ERBB4: variants seen among roughly 807,000 people sequenced by gnomAD.
ERBB4 encodes receptor tyrosine-protein kinase erbB-4.
A neutral mutation model predicts 158.0 loss-of-function variants in ERBB4; 42 were observed. The observed-to-expected ratio is 0.27, with a 90% CI of 0.21 to 0.34. The LOEUF (loss-of-function observed/expected upper bound fraction) is 0.34. Ranked by LOEUF, ERBB4 falls within the 10% of genes least tolerant of loss-of-function variation. ERBB4 has a pLI of 1.00. For synonymous variants in ERBB4, 583 were observed against 558.7 expected (o/e 1.04, Z -0.61); for missense variants, 1,333 against 1,624.1 (o/e 0.82, Z 3.08).
intron 2 of ERBB4, among the ~76,000 whole-genome samples, chr2:211,987,235 C>A (rs1043420281): frequency 6.7e-6 from 1 of 149,670 alleles, no homozygotes; most frequent in Non-Finnish European, 1.5e-5. Context: ...GCAGGAGAAT[C>A]ACTTGAACCC....
chr2:212,231,299 A>C (rs2083657567), intron 1 of ERBB4, among the ~76,000 whole-genome samples: 1 of 152,224 alleles, frequency 6.6e-6, no homozygotes, highest in African/African-American at 2.4e-5. Flanking sequence ...AAGGAAAAAA[A>C]AAACAGGTTA....
chr2:212,088,674 A>AT (rs1421213841), intron 2 of ERBB4, among the ~76,000 whole-genome samples: 23 of 152,166 alleles, frequency 1.5e-4, no homozygotes, highest in African/African-American at 5.5e-4. Flanking sequence ...AAAGCTACAA[A>AT]TATGGTGGTT....
chr2:212,052,586 G>C (rs2077430438), intron 2 of ERBB4, among the ~76,000 whole-genome samples: 1 of 152,146 alleles, frequency 6.6e-6, no homozygotes, highest in Non-Finnish European at 1.5e-5. Flanking sequence ...TGTGAAACCA[G>C]CCCAGTTGTC....
At chr2:211,818,184 T>C (rs1013643642) in intron 3 of ERBB4, among the ~76,000 whole-genome samples, 2 of 152,138 alleles carry the variant, frequency 1.3e-5, no homozygotes, top group African/African-American at 4.8e-5. Context: ...ATCCTCAGGA[T>C]TTTTATTTCA....
At chr2:211,442,877 A>C (rs2125457472) in intron 20 of ERBB4, among the ~76,000 whole-genome samples, 1 of 152,110 alleles carries the variant, frequency 6.6e-6, no homozygotes, top group East Asian at 1.9e-4. Context: ...CCGAAAAATA[A>C]AGATTTTTTT....
intron 1 of ERBB4, among the ~76,000 whole-genome samples, chr2:212,220,940 A>T (rs538468537): frequency 6.6e-6 from 1 of 151,642 alleles, no homozygotes; most frequent in Non-Finnish European, 1.5e-5. Flanking sequence ...CTATAAAAGG[A>T]TGTGAAAACC....
intron 2 of ERBB4, among the ~76,000 whole-genome samples, chr2:212,062,396 ATTCTTT>A (rs1559419711): frequency 3.1e-5 from 3 of 96,518 alleles, no homozygotes; most frequent in Admixed American, 1.3e-4. Flanking sequence ...TCACTTGTCA[ATTCTTT>A]TTTTTTTTTT....
chr2:211,887,189 G>A (rs2078825245), intron 3 of ERBB4, among the ~76,000 whole-genome samples: 1 of 150,914 alleles, frequency 6.6e-6, no homozygotes, highest in Non-Finnish European at 1.5e-5. Flanking sequence ...CAATGAAAAT[G>A]AAGAGCTAAT....
chr2:212,379,207 A>G (rs1021635479), intron 1 of ERBB4, among the ~76,000 whole-genome samples: 1 of 151,776 alleles, frequency 6.6e-6, no homozygotes, highest in Admixed American at 6.6e-5. Flanking sequence ...ATTAGTAAAG[A>G]TAAGTGAAGC....
chr2:212,221,344 T>C (rs2083284388), intron 1 of ERBB4, among the ~76,000 whole-genome samples: 1 of 151,578 alleles, frequency 6.6e-6, no homozygotes, highest in Non-Finnish European at 1.5e-5. Flanking sequence ...ACAAGGATGT[T>C]CTTGTTAAAA....
chr2:211,687,586 A>C (rs907271648), intron 12 of ERBB4, among the ~76,000 whole-genome samples: 1 of 149,308 alleles, frequency 6.7e-6, no homozygotes, highest in East Asian at 1.9e-4. Context: ...GTTTGGCTGG[A>C]GTGGAGCAAT....
chr2:211,669,642 T>C (rs2071764324), intron 14 of ERBB4, among the ~76,000 whole-genome samples: 1 of 152,218 alleles, frequency 6.6e-6, no homozygotes. Flanking sequence ...AAAGGCCTTC[T>C]TTTATTTCCA....
At chr2:212,017,607 A>T (rs1218429847) in intron 2 of ERBB4, among the ~76,000 whole-genome samples, 1 of 152,162 alleles carries the variant, frequency 6.6e-6, no homozygotes, top group East Asian at 1.9e-4. Flanking sequence ...TATTTATTCC[A>T]CATCTAATTT....
intron 3 of ERBB4, among the ~76,000 whole-genome samples, chr2:211,868,133 T>C (rs2078255487): frequency 6.6e-6 from 1 of 152,216 alleles, no homozygotes; most frequent in Non-Finnish European, 1.5e-5. Flanking sequence ...GTCAGATTTC[T>C]TAGATAGGAA....
intron 2 of ERBB4, among the ~76,000 whole-genome samples, chr2:212,063,831 T>C (rs1376807383): frequency 2.0e-5 from 3 of 152,190 alleles, no homozygotes; most frequent in Non-Finnish European, 1.5e-5. Context: ...GTATCAGTTG[T>C]GGCTTGATTA....
intron 20 of ERBB4, among the ~76,000 whole-genome samples, chr2:211,451,436 CAG>C (rs942674116): frequency 2.0e-5 from 3 of 152,012 alleles, no homozygotes; most frequent in African/African-American, 4.8e-5. Context: ...TGAAGGGAGA[CAG>C]GGAACTAGCG....
At chr2:211,773,281 A>G (rs2106274818) in intron 4 of ERBB4, among the ~76,000 whole-genome samples, 1 of 151,762 alleles carries the variant, frequency 6.6e-6, no homozygotes, top group East Asian at 2.0e-4. Context: ...TGTAAAAGAT[A>G]AGTAGAAACT....
chr2:211,667,494 T>A (rs888670787), intron 14 of ERBB4, among the ~76,000 whole-genome samples: 21 of 150,050 alleles, frequency 1.4e-4, no homozygotes, highest in Admixed American at 1.4e-3. Context: ...ACCTGAGGAG[T>A]TTGCTAATGG....
intron 2 of ERBB4, among the ~76,000 whole-genome samples, chr2:211,970,635 T>C (rs2125200102): frequency 6.6e-6 from 1 of 152,212 alleles, no homozygotes; most frequent in East Asian, 1.9e-4. Flanking sequence ...GTAATGACCT[T>C]CTTTGTCTTT....
Sources: allele counts gnomAD v4.1 joint callset (sites outside exome capture counted in the v4.1 genomes callset), GRCh38; gene constraint gnomAD v4.1.1; transcripts MANE v1.5; gene names NCBI Gene and HGNC (gene_info 2026-07-23, HGNC 2026-07-21).